The following LSM4 variants were observed in gnomAD, a reference collection of about 807,000 sequenced individuals.
LSM4 encodes LSM4 homolog, U6 small nuclear RNA and mRNA degradation associated.
Under a neutral mutation model 22.3 loss-of-function variants are expected in LSM4, and 15 were observed. That is an observed-to-expected ratio of 0.67 (90% CI 0.45 to 1.03). The LOEUF (loss-of-function observed/expected upper bound fraction) is 1.03, where lower values mean the gene tolerates loss of function less well. Among genes scored for constraint, LSM4 ranks in the 50% least tolerant of loss-of-function variants. The pLI, the probability that LSM4 is intolerant of heterozygous loss-of-function variation, is 0.00. For synonymous variants in LSM4, 90 were observed against 79.8 expected, an observed-to-expected ratio of 1.13 and a Z score of -0.68; for missense variants, 127 against 198.0, an observed-to-expected ratio of 0.64 and a Z score of 2.15.
rs368786619 is a variant in LSM4, at chr19:18,307,715, G to A, written c.329-160C>T. Among the ~76,000 whole-genome samples the A allele has an allele frequency of 8.5e-3, 1,293 of 152,244 alleles. 9 individuals carry two copies. The highest frequency in any genetic ancestry group is 0.014 in the Non-Finnish European group (921 of 68,004). On this transcript the variant is annotated intron_variant, in intron 4 of 4. Coordinates refer to ENST00000593829, the MANE Select transcript of LSM4 (RefSeq NM_012321.5). ...AGGGTGCTTGGATCTCCTCCGTGGG[G>A]CAGAGCATCTGAGGAAGGCAGGAAC...
chr19:18,319,239 C>CAA (rs113147466), intron 1 of LSM4, among the ~76,000 whole-genome samples: 1 of 143,992 alleles, frequency 6.9e-6, no homozygotes, highest in African/African-American at 2.6e-5. Context: ...GAGACTGTTT[C>CAA]AAAAAAAAAC....
chr19:18,309,237 G>C (rs1481401321), intron 4 of LSM4: 2 of 161,678 alleles, frequency 1.2e-5, no homozygotes, highest in Non-Finnish European at 2.7e-5. Context: ...CGAGAACACA[G>C]AGCTGGGGAC....
chr19:18,322,444 C>A lies in LSM4; in HGVS notation c.3+574G>T, dbSNP rs145787126. On this transcript the variant is annotated intron_variant, in intron 1 of 4. Transcript: ENST00000593829. ...GAGGATGTACTTTGTCCACCCCTAGCTCAAAACGCCCCCTTCCGCTGGAAT... is the reference window on the plus strand; with the variant it reads ...GAGGATGTACTTTGTCCACCCCTAGATCAAAACGCCCCCTTCCGCTGGAAT... Among the ~76,000 whole-genome samples the A allele has an allele frequency of 3.1e-3, 472 of 152,226 alleles. 4 individuals are homozygous for A. Among genetic ancestry groups the A allele is most frequent in the African/African-American group, 0.011 (454 of 41,526 alleles).
chr19:18,311,012 C>A (rs1600165560), intron 3 of LSM4, among the ~76,000 whole-genome samples: 1 of 152,348 alleles, frequency 6.6e-6, no homozygotes, highest in East Asian at 1.9e-4. Flanking sequence ...CTCCTCCACA[C>A]CTGGGTAGGT....
chr19:18,321,037 C>T (rs773516408), intron 1 of LSM4, among the ~76,000 whole-genome samples: 6 of 152,336 alleles, frequency 3.9e-5, no homozygotes, highest in South Asian at 2.1e-4. Flanking sequence ...TAGGCCACTC[C>T]TTCTGGCCCT....
At chr19:18,310,288 T>C in intron 3 of LSM4, 1 of 204,498 alleles carries the variant, frequency 4.9e-6, no homozygotes, top group Non-Finnish European at 9.7e-6. Flanking sequence ...CTACTCCTCC[T>C]CCTGCCCCAG....
chr19:18,316,594 C>T (rs550248779), intron 1 of LSM4, among the ~76,000 whole-genome samples: 62 of 152,128 alleles, frequency 4.1e-4, no homozygotes, highest in Non-Finnish European at 6.3e-4. Context: ...GTGATCCACC[C>T]GCCTCGGCTT....
intron 1 of LSM4, among the ~76,000 whole-genome samples, chr19:18,317,074 G>A (rs1970364765): frequency 6.6e-6 from 1 of 152,040 alleles, no homozygotes; most frequent in African/African-American, 2.4e-5. Flanking sequence ...AGGCTGGAGT[G>A]CAGTGGTGTG....
rs541490472 is a variant in LSM4, at chr19:18,307,286, C to T, written c.*178G>A. 1.1e-4 allele frequency: 49 copies of T among 464,352 alleles called. No individual in the cohort carries two copies. The highest frequency in any genetic ancestry group is 6.9e-4 in the African/African-American group (34 of 49,574). The allele number at this position is 464,352 out of a possible 1,614,324, so 28.8% of individuals were successfully genotyped here. A position where few individuals can be genotyped will look rare whatever the true frequency, so the allele number is the denominator to read the frequency against. The stretch of plus-strand genomic sequence containing the variant: ...AAAAACACCAAGTAACATTTCTAAC[C>T]GGAGAATTGCCGGTTTTAGCAAGAA... On this transcript the variant is annotated 3_prime_UTR_variant, in exon 5 of 5. Transcript: ENST00000593829.
At chr19:18,317,590 G>A (rs1484149541) in intron 1 of LSM4, among the ~76,000 whole-genome samples, 2 of 152,002 alleles carry the variant, frequency 1.3e-5, no homozygotes, top group Admixed American at 6.6e-5. Context: ...CCCGTGATCC[G>A]CCTGCCTTGG....
At chr19:18,313,216 G>C (rs1600167382) in intron 2 of LSM4, among the ~76,000 whole-genome samples, 1 of 152,180 alleles carries the variant, frequency 6.6e-6, no homozygotes, top group Non-Finnish European at 1.5e-5. Flanking sequence ...CTGCACTCCA[G>C]CCTGAGCAAC....
chr19:18,306,622 T>A lies in LSM4; in HGVS notation c.*842A>T, dbSNP rs1970225317. On this transcript the variant is annotated 3_prime_UTR_variant, in exon 5 of 5. Transcript: ENST00000593829. ...ACCATGCGTGGCCCCTGCCTGGGAC[T>A]TCCCTCCCCACACACCCCTTGGCAT... 6.6e-6 allele frequency: 1 copy of A among 152,348 alleles called. No homozygotes were observed. Among genetic ancestry groups the A allele is most frequent in the South Asian group, 2.1e-4 (1 of 4,834 alleles). 9.4% of individuals were successfully genotyped at this position (152,348 alleles called of 1,614,324 possible).
At position 18,316,022 on chromosome 19, in the gene LSM4, A is replaced by G; in HGVS notation, c.45+2T>C. On this transcript the variant is annotated splice_donor_variant, in intron 2 of 4. Transcript: ENST00000593829. LOFTEE classifies it high-confidence loss of function. ...GGCTTTCCCAGACCACTGAGTACTC[A>G]CCATGGGGTGATTCTGAGCCGTCTT... 6.2e-7 allele frequency: 1 copy of G among 1,613,340 alleles called. No individual in the cohort carries two copies. The highest frequency in any genetic ancestry group is 1.1e-5 in the South Asian group (1 of 91,044).
chr19:18,314,347 C>A (rs886258216), intron 2 of LSM4, among the ~76,000 whole-genome samples: 1 of 151,274 alleles, frequency 6.6e-6, no homozygotes, highest in Admixed American at 6.6e-5. Flanking sequence ...AGTGAAACCC[C>A]GTCTCTACTA....
chr19:18,308,460 C>G (rs1212526315), intron 4 of LSM4, among the ~76,000 whole-genome samples: 1 of 152,254 alleles, frequency 6.6e-6, no homozygotes, highest in East Asian at 1.9e-4. Flanking sequence ...GAAATCAAAG[C>G]TGGAGCTTCA....
At chr19:18,312,493 A>C in intron 3 of LSM4, 111 bp downstream of exon 3, 1 of 848,788 alleles carries the variant, frequency 1.2e-6, no homozygotes, top group Admixed American at 1.9e-5. Flanking sequence ...AAGGACGAGC[A>C]GTCCTAGGCG....
Position 18,312,597 on chromosome 19 carries a change from C to G in LSM4, c.144+7G>C, listed in dbSNP as rs766969776. ...ATCCCACCCCCGTTGGTGGGTGCAG[C>G]ACCCACCCTGGACGTGCAGATGACT... is the stretch of plus-strand genomic sequence containing the variant. On this transcript the variant is annotated splice_region_variant and intron_variant, in intron 3 of 4. Transcript: ENST00000593829. 3.7e-6 allele frequency: 6 copies of G among 1,612,590 alleles called. No individual in the cohort carries two copies. Among genetic ancestry groups the G allele is most frequent in the Middle Eastern group, 1.6e-4 (1 of 6,084 alleles).
intron 1 of LSM4, among the ~76,000 whole-genome samples, chr19:18,320,515 A>C (rs757985992): frequency 1.3e-5 from 2 of 152,048 alleles, no homozygotes; most frequent in African/African-American, 2.4e-5. Context: ...AAACAAAAAA[A>C]GTCTAGAGTG....
At chr19:18,313,795 C>A (rs1385155637) in intron 2 of LSM4, among the ~76,000 whole-genome samples, 1 of 152,050 alleles carries the variant, frequency 6.6e-6, no homozygotes, top group Non-Finnish European at 1.5e-5. Context: ...GGATTATAGG[C>A]ATTAGCCACC....
Sources: gnomAD v4.1 joint callset for allele counts (sites outside exome capture counted in the v4.1 genomes callset) on GRCh38, gnomAD v4.1.1 for gene constraint, MANE v1.5 for transcripts, NCBI Gene and HGNC (gene_info 2026-07-23, HGNC 2026-07-21) for gene names.